Variants in ZBBX observed in about 807,000 individuals in gnomAD.
The protein encoded by ZBBX is zinc finger B-box domain-containing protein 1.
A neutral mutation model predicts 108.5 loss-of-function variants in ZBBX; 101 were observed. That is an observed-to-expected ratio of 0.93 (90% CI 0.79 to 1.10). The LOEUF (loss-of-function observed/expected upper bound fraction) is 1.10, where lower values mean the gene tolerates loss of function less well. Among genes scored for constraint, ZBBX ranks in the 50% least tolerant of loss-of-function variants. The pLI is 0.00. For synonymous variants in ZBBX, 356 were observed against 323.4 expected, an observed-to-expected ratio of 1.10 and a Z score of -1.08; for missense variants, 1,009 against 941.4, an observed-to-expected ratio of 1.07 and a Z score of -0.94.
chr3:167,266,979 A>G (rs1049185647), intron 20 of ZBBX, among the ~76,000 whole-genome samples: 13 of 152,188 alleles, frequency 8.5e-5, no homozygotes, highest in African/African-American at 2.9e-4. Flanking sequence ...GAAAGGAACA[A>G]GCCGGCAGCT....
rs1397887195 is a variant in ZBBX at position 167,271,913 on chromosome 3, A to G, written c.2254+10325T>C. Among the ~76,000 whole-genome samples the G allele has an allele frequency of 2.6e-5, 4 of 152,216 alleles. No individual in the cohort carries two copies. The East Asian group carries it at 7.7e-4, about 29-fold the overall frequency. On this transcript the variant is annotated intron_variant, in intron 20 of 21. Coordinates refer to ENST00000675490, the MANE Select transcript of ZBBX (RefSeq NM_001199201.2). ...TAGTAAAAGCACTAATTGAAAATAC[A>G]GTGCCTAGATTGGGACTAACAGAGA... is the stretch of plus-strand genomic sequence containing the variant.
At chr3:167,402,767 T>C (rs1022319527) in intron 1 of ZBBX, among the ~76,000 whole-genome samples, 2 of 140,972 alleles carry the variant, frequency 1.4e-5, no homozygotes, top group Admixed American at 1.4e-4. Context: ...AAATTATATA[T>C]CTGTAAACTA....
intron 20 of ZBBX, among the ~76,000 whole-genome samples, chr3:167,245,295 G>A (rs151064238): frequency 8.2e-4 from 125 of 152,158 alleles, no homozygotes; most frequent in African/African-American, 2.7e-3. Flanking sequence ...CCCGGGAGGC[G>A]GAGCTTGCAG....
intron 1 of ZBBX, among the ~76,000 whole-genome samples, chr3:167,389,009 A>C (rs1377784393): frequency 6.6e-6 from 1 of 151,942 alleles, no homozygotes; most frequent in East Asian, 1.9e-4. Context: ...TGTGCAGAAC[A>C]TGCAGGTTTG....
chr3:167,401,779 G>A (rs1748431091), intron 1 of ZBBX, among the ~76,000 whole-genome samples: 1 of 152,164 alleles, frequency 6.6e-6, no homozygotes, highest in Admixed American at 6.5e-5. Flanking sequence ...TGCCTTAACT[G>A]TCTGGGAATG....
intron 17 of ZBBX, among the ~76,000 whole-genome samples, chr3:167,301,954 TAAAAAAAA>T: frequency 1.1e-5 from 1 of 92,144 alleles, no homozygotes; most frequent in Non-Finnish European, 2.1e-5. Flanking sequence ...AAGACTCCGT[TAAAAAAAA>T]AAAAAAAAAA....
At chr3:167,281,700 A>G (rs1015645166) in intron 20 of ZBBX, among the ~76,000 whole-genome samples, 5 of 152,236 alleles carry the variant, frequency 3.3e-5, no homozygotes, top group African/African-American at 1.2e-4. Context: ...TAATTTTTCA[A>G]GATGTGGTTT....
the ZBBX span, among the ~76,000 whole-genome samples, chr3:167,187,154 C>A: frequency 1.3e-5 from 2 of 152,198 alleles, no homozygotes; most frequent in East Asian, 1.9e-4. Flanking sequence ...TTTCCCCTCT[C>A]CTATCATTAT....
the ZBBX span, among the ~76,000 whole-genome samples, chr3:167,189,572 T>G: frequency 7.9e-5 from 12 of 152,226 alleles, no homozygotes; most frequent in Non-Finnish European, 1.3e-4. Context: ...CTATCAATAG[T>G]TAAGTACAAT....
At chr3:167,183,249 A>C in the ZBBX span, among the ~76,000 whole-genome samples, 1 of 152,164 alleles carries the variant, frequency 6.6e-6, no homozygotes, top group Non-Finnish European at 1.5e-5. Flanking sequence ...GGTGGAACCA[A>C]CCAGAGCCCA....
chr3:167,385,871 G>C (rs1747907952), intron 1 of ZBBX, among the ~76,000 whole-genome samples: 1 of 152,066 alleles, frequency 6.6e-6, no homozygotes. Context: ...TATAAGGTTA[G>C]TGTTTCTTAG....
chr3:167,348,222 G>GGAGC (rs1331503978), intron 9 of ZBBX, among the ~76,000 whole-genome samples: 1 of 136,890 alleles, frequency 7.3e-6, no homozygotes, highest in Non-Finnish European at 1.6e-5. Flanking sequence ...AGGAAGCAAG[G>GGAGC]GAGGGAGGAG....
intron 20 of ZBBX, among the ~76,000 whole-genome samples, chr3:167,273,056 G>T (rs1006489508): frequency 6.6e-6 from 1 of 152,166 alleles, no homozygotes; most frequent in African/African-American, 2.4e-5. Flanking sequence ...ACCTCATAGG[G>T]TCTTTTGAAA....
intron 9 of ZBBX, among the ~76,000 whole-genome samples, chr3:167,345,281 T>C (rs1560157825): frequency 1.3e-5 from 2 of 151,984 alleles, no homozygotes; most frequent in South Asian, 4.1e-4. Flanking sequence ...TCAGAAGATA[T>C]GATAGTCGAT....
At chr3:167,261,928 C>T (rs911340722) in intron 20 of ZBBX, among the ~76,000 whole-genome samples, 16 of 152,084 alleles carry the variant, frequency 1.1e-4, no homozygotes, top group Admixed American at 8.5e-4. Flanking sequence ...TAGAGATTTG[C>T]TTATCACTGT....
At chr3:167,381,902 G>T (rs1051658229), upstream of ZBBX, among the ~76,000 whole-genome samples, 3 of 152,180 alleles carry the variant, frequency 2.0e-5, no homozygotes, top group African/African-American at 7.2e-5. Context: ...ATTGAGTTCT[G>T]TTTTAGGGTA....
intron 20 of ZBBX, among the ~76,000 whole-genome samples, chr3:167,269,019 T>A (rs1204952589): frequency 1.3e-5 from 2 of 152,162 alleles, no homozygotes; most frequent in African/African-American, 4.8e-5. Flanking sequence ...AGAGAGGTGT[T>A]ACAGATGTGG....
downstream of ZBBX, among the ~76,000 whole-genome samples, chr3:167,239,218 C>T (rs770117677): frequency 3.3e-5 from 5 of 152,116 alleles, no homozygotes; most frequent in African/African-American, 7.2e-5. Context: ...TTTCTTAAGG[C>T]CTTTAAACTG....
At chr3:167,330,145 T>C (rs1170395503) in intron 10 of ZBBX, among the ~76,000 whole-genome samples, 1 of 152,146 alleles carries the variant, frequency 6.6e-6, no homozygotes, top group East Asian at 1.9e-4. Context: ...TTACAGCCAC[T>C]ACATAGAATG....
Sources: allele counts gnomAD v4.1 joint callset (sites outside exome capture counted in the v4.1 genomes callset), GRCh38; gene constraint gnomAD v4.1.1; transcripts MANE v1.5; gene names NCBI Gene and HGNC (gene_info 2026-07-23, HGNC 2026-07-21).